TBC1D2B: variants seen among roughly 807,000 people sequenced by gnomAD.
TBC1D2B encodes TBC1 domain family, member 2B.
A neutral mutation model predicts 100.8 loss-of-function variants in TBC1D2B; 64 were observed. That is an observed-to-expected ratio of 0.64 (90% confidence interval 0.52 to 0.78). The LOEUF is 0.78. TBC1D2B is among the 30% of genes least tolerant of loss of function. The pLI is 0.00. For missense variants in TBC1D2B, 1,052 were observed against 1,218.4 expected (o/e 0.86, Z 2.03); for synonymous variants, 480 against 479.7 (o/e 1.00, Z -0.01).
In TBC1D2B at chr15:77,996,851, G is replaced by A. The variant is rs1008943627; in HGVS notation, c.*1309C>T. The A allele has an allele frequency of 1.3e-5, 2 of 152,136 alleles. No homozygotes were observed. The highest frequency in any genetic ancestry group is 1.3e-4 in the Admixed American group (2 of 15,276). 9.4% of individuals were successfully genotyped at this position (152,136 alleles called of 1,614,324 possible). On this transcript the variant is annotated 3_prime_UTR_variant, in exon 13 of 13. Coordinates refer to ENST00000300584, the MANE Select transcript of TBC1D2B (RefSeq NM_144572.2). The stretch of plus-strand genomic sequence containing the variant: ...ATTTATCTTGTATTTTCATAACACT[G>A]TGCCAGAAAACATCCTCTCACATCT...
intron 10 of TBC1D2B, among the ~76,000 whole-genome samples, chr15:78,006,160 C>T (rs995599822): frequency 2.0e-5 from 3 of 152,140 alleles, no homozygotes; most frequent in African/African-American, 7.2e-5. Context: ...CCCCCAAGTT[C>T]CTAACCAATG....
At chr15:78,004,289 C>A (rs756934804) in intron 10 of TBC1D2B, among the ~76,000 whole-genome samples, 1 of 152,202 alleles carries the variant, frequency 6.6e-6, no homozygotes, top group Non-Finnish European at 1.5e-5. Flanking sequence ...CGTGGACCAT[C>A]CTAACCATGG....
chr15:78,039,017 A>T (rs1596320461), intron 3 of TBC1D2B, among the ~76,000 whole-genome samples: 1 of 151,938 alleles, frequency 6.6e-6, no homozygotes, highest in South Asian at 2.1e-4. Context: ...ACACACACAC[A>T]CCCCAGCCAA....
At chr15:78,032,741 G>C (rs1302648404) in intron 3 of TBC1D2B, among the ~76,000 whole-genome samples, 1 of 151,898 alleles carries the variant, frequency 6.6e-6, no homozygotes, top group Non-Finnish European at 1.5e-5. Context: ...TGCTAAATGG[G>C]AACAAGAGCA....
intron 6 of TBC1D2B, among the ~76,000 whole-genome samples, chr15:78,023,472 C>T (rs374159421): frequency 2.6e-5 from 4 of 152,314 alleles, no homozygotes; most frequent in African/African-American, 9.6e-5. Context: ...ATGCAGGCTG[C>T]CCCCACCTCT....
intron 1 of TBC1D2B, among the ~76,000 whole-genome samples, chr15:78,070,231 C>T (rs2073722411): frequency 6.6e-6 from 1 of 152,128 alleles, no homozygotes; most frequent in Admixed American, 6.5e-5. Flanking sequence ...CCCTACAACA[C>T]TTGACTTCCT....
At chr15:78,025,043 C>T (rs549450142) in intron 5 of TBC1D2B, among the ~76,000 whole-genome samples, 2 of 152,310 alleles carry the variant, frequency 1.3e-5, no homozygotes, top group South Asian at 4.1e-4. Context: ...GAGATCTTCA[C>T]TCTCCTTGCA....
chr15:78,057,523 G>A (rs900179469), intron 1 of TBC1D2B, among the ~76,000 whole-genome samples: 3 of 152,126 alleles, frequency 2.0e-5, no homozygotes, highest in Admixed American at 6.5e-5. Context: ...GTGGGTGCCC[G>A]TAATCCCAGC....
chr15:78,061,479 G>A (rs1298010446), intron 1 of TBC1D2B, among the ~76,000 whole-genome samples: 1 of 151,590 alleles, frequency 6.6e-6, no homozygotes, highest in African/African-American at 2.4e-5. Flanking sequence ...AGGCTGACGT[G>A]GGAGAATTTC....
intron 11 of TBC1D2B, 63 bp downstream of exon 11, chr15:78,003,242 A>T: frequency 6.6e-7 from 1 of 1,509,532 alleles, no homozygotes. Context: ...CTCTACCGCC[A>T]CCAACGCTGC....
At chr15:78,045,841 G>C (rs542523688) in intron 2 of TBC1D2B, among the ~76,000 whole-genome samples, 5 of 152,306 alleles carry the variant, frequency 3.3e-5, no homozygotes, top group Non-Finnish European at 7.4e-5. Context: ...AATAAACCTA[G>C]AGGTAATATT....
Position 77,996,029 on chromosome 15 carries a change from G to A in TBC1D2B, c.*2131C>T, listed in dbSNP as rs575018806. 45 of 151,500 alleles carry A rather than the reference G, an allele frequency of 3.0e-4. No homozygotes were observed. The East Asian group carries it at 6.9e-3, about 23-fold the overall frequency. 9.4% of individuals were successfully genotyped at this position (151,500 alleles called of 1,614,324 possible). On this transcript the variant is annotated 3_prime_UTR_variant, in exon 13 of 13. Transcript: ENST00000300584. ...TCCCGTTCCCAAACTTTAACCAGGC[G>A]GAGCCGCCCTCTCTTGCCTTCTGGA...
intron 1 of TBC1D2B, 109 bp downstream of exon 1, chr15:78,077,184 G>C (rs1364939803): frequency 7.4e-7 from 1 of 1,342,786 alleles, no homozygotes. Context: ...GCCGACGTGG[G>C]CAGGGGCGAG....
intron 12 of TBC1D2B, 95 bp downstream of exon 12, chr15:78,001,524 T>C: frequency 7.0e-7 from 1 of 1,423,034 alleles, no homozygotes; most frequent in South Asian, 1.5e-5. Context: ...CGGGGATGGC[T>C]CTGAGTTGGA....
At chr15:78,059,037 CT>C (rs1448574145) in intron 1 of TBC1D2B, among the ~76,000 whole-genome samples, 2 of 151,712 alleles carry the variant, frequency 1.3e-5, no homozygotes, top group East Asian at 1.9e-4. Context: ...TTTGTCTCCC[CT>C]AACACCAGTC....
At chr15:78,068,778 C>T (rs2073701338) in intron 1 of TBC1D2B, among the ~76,000 whole-genome samples, 1 of 152,248 alleles carries the variant, frequency 6.6e-6, no homozygotes, top group African/African-American at 2.4e-5. Context: ...CTTCACAGAA[C>T]ACTAGTTACA....
At chr15:78,073,412 C>T (rs1326887901) in intron 1 of TBC1D2B, among the ~76,000 whole-genome samples, 1 of 152,088 alleles carries the variant, frequency 6.6e-6, no homozygotes, top group South Asian at 2.1e-4. Flanking sequence ...CTTTTTAACC[C>T]TCTGTGATAA....
At position 78,024,906 on chromosome 15, in the gene TBC1D2B, T is replaced by C. The variant is rs563185219; in HGVS notation, c.1086+353A>G. 5.9e-5 allele frequency among the ~76,000 whole-genome samples: 9 copies of C among 152,326 alleles called. No individual in the cohort carries two copies. The South Asian group carries it at 1.7e-3, about 28-fold the overall frequency. The stretch of plus-strand genomic sequence containing the variant: ...ATTAGTTCAAGAAACCATTGTTGAA[T>C]AGGATGCAGAAACTCTTTTTAATGA... On this transcript the variant is annotated intron_variant, in intron 5 of 12. Transcript: ENST00000300584.
intron 12 of TBC1D2B, chr15:77,999,512 C>T (rs2071853972): frequency 4.0e-6 from 1 of 252,836 alleles, no homozygotes; most frequent in Non-Finnish European, 8.2e-6. Flanking sequence ...AACGCCCAAG[C>T]ACAGGGGTCC....
Sources: allele counts gnomAD v4.1 joint callset (sites outside exome capture counted in the v4.1 genomes callset), GRCh38; gene constraint gnomAD v4.1.1; transcripts MANE v1.5; gene names NCBI Gene and HGNC (gene_info 2026-07-23, HGNC 2026-07-21).